VWF: variants seen among roughly 807,000 people sequenced by gnomAD.
The protein encoded by VWF is Factor VIII related antigen.
VWF carries 176 observed loss-of-function variants against 308.6 expected under a neutral mutation model. The observed-to-expected ratio is 0.57, with a 90% CI of 0.50 to 0.65. The LOEUF (loss-of-function observed/expected upper bound fraction) is 0.65, where lower values mean the gene tolerates loss of function less well. VWF is among the 30% of genes least tolerant of loss of function. VWF has a pLI of 0.00. For synonymous variants in VWF, 1,385 were observed against 1,443.4 expected (o/e 0.96, Z 0.92); for missense variants, 3,146 against 3,648.2 (o/e 0.86, Z 3.55).
chr12:6,018,952 C>T lies in VWF; in HGVS notation c.4466G>A (p.Gly1489Glu). Residue 1489 changes from glycine to glutamate, a missense_variant, in exon 28 of 52, where the codon GGG becomes GAG. Physicochemically the swap from Gly to Glu is moderately conservative, Grantham distance 98. Coordinates refer to ENST00000261405, the MANE Select transcript of VWF (RefSeq NM_000552.5). ...GPGLLGVSTL[G>E]PKRNSMVLDV... Reference sequence around the variant, plus strand: ...CAGAACCATGGAGTTCCTCTTGGGCCCCAGGGTCGAAACCCCCAAGAGCCC... The same window carrying T: ...CAGAACCATGGAGTTCCTCTTGGGCTCCAGGGTCGAAACCCCCAAGAGCCC... 1.2e-6 allele frequency: 2 copies of T among 1,613,872 alleles called. No homozygotes were observed. The highest frequency in any genetic ancestry group is 1.7e-6 in the Non-Finnish European group (2 of 1,179,840).
intron 40 of VWF, 102 bp downstream of exon 40, chr12:5,984,943 C>T: frequency 1.5e-6 from 2 of 1,290,946 alleles, no homozygotes; most frequent in South Asian, 1.2e-5. Flanking sequence ...TCCTTTCACA[C>T]ACCCTGTGCC....
At position 6,058,925 on chromosome 12, in the gene VWF, G is replaced by A. The variant is rs909531961; in HGVS notation, c.1534-881C>T. ...GAGGACCCCGATTTGAAGGTGGAGCGGGGGCTGGGACCCAGGAGTCCTGAC... is the reference window on the plus strand; with the variant it reads ...GAGGACCCCGATTTGAAGGTGGAGCAGGGGCTGGGACCCAGGAGTCCTGAC... On this transcript the variant is annotated intron_variant, in intron 13 of 51. Transcript: ENST00000261405. This position sits in a 1 kb window ranked among gnomAD's most constrained non-coding sequence, Gnocchi z 4.9. Among the ~76,000 whole-genome samples, 10 of 152,296 alleles carry A rather than the reference G, an allele frequency of 6.6e-5. 1 individual carries two copies. The highest frequency in any genetic ancestry group is 2.0e-4 in the Admixed American group (3 of 15,288).
At chr12:6,036,686 A>G (rs1304196631) in intron 18 of VWF, among the ~76,000 whole-genome samples, 195 bp from the exon 19 acceptor site, 1 of 152,252 alleles carries the variant, frequency 6.6e-6, no homozygotes, top group Non-Finnish European at 1.5e-5. Flanking sequence ...TCCTATGCCC[A>G]GGCCAGGGCT....
chr12:6,067,045 A>C (rs1944723359), intron 10 of VWF, among the ~76,000 whole-genome samples: 1 of 152,002 alleles, frequency 6.6e-6, no homozygotes, highest in Non-Finnish European at 1.5e-5. Context: ...GCCCCAGATC[A>C]CTCCCATCAG....
intron 20 of VWF, among the ~76,000 whole-genome samples, 191 bp downstream of exon 20, chr12:6,034,497 A>G (rs1944310196): frequency 6.6e-6 from 1 of 152,184 alleles, no homozygotes; most frequent in Non-Finnish European, 1.5e-5. Context: ...CAGAGGGAAA[A>G]TGGACAACCA....
intron 3 of VWF, among the ~76,000 whole-genome samples, chr12:6,119,629 T>C (rs1201503968): frequency 6.6e-6 from 1 of 152,174 alleles, no homozygotes; most frequent in Non-Finnish European, 1.5e-5. Context: ...GTGGATCACC[T>C]GAGGTCAGGA....
At position 6,058,083 on chromosome 12, in the gene VWF, G is replaced by C; in HGVS notation, c.1534-39C>G. 6.2e-7 allele frequency: 1 copy of C among 1,607,070 alleles called. No homozygotes were observed. The highest frequency in any genetic ancestry group is 8.5e-7 in the Non-Finnish European group (1 of 1,175,640). ...CAGGCCACTCTGGAGCCGCTGCCGC[G>C]AAAGCAGCGGCATAGTTGTTTAGCT... is the stretch of plus-strand genomic sequence containing the variant. On this transcript the variant is annotated intron_variant, in intron 13 of 51. Transcript: ENST00000261405. The surrounding 1 kb of genome is among the most constrained non-coding windows in gnomAD (Gnocchi z 4.9).
intron 3 of VWF, among the ~76,000 whole-genome samples, chr12:6,115,853 AG>A (rs776626753): frequency 6.6e-6 from 1 of 152,180 alleles, no homozygotes; most frequent in Non-Finnish European, 1.5e-5. Flanking sequence ...AAATGTCCTC[AG>A]GGGGAAAACC....
chr12:6,029,810 T>C (rs549663259), intron 21 of VWF, among the ~76,000 whole-genome samples: 1 of 152,216 alleles, frequency 6.6e-6, no homozygotes, highest in Non-Finnish European at 1.5e-5. Context: ...TCATTAAATA[T>C]AGTGGTCTCC....
chr12:6,104,487 A>C (rs897741169), intron 5 of VWF, among the ~76,000 whole-genome samples: 1 of 151,848 alleles, frequency 6.6e-6, no homozygotes, highest in Non-Finnish European at 1.5e-5. Flanking sequence ...GGAGTTTGAG[A>C]CCAGCCTGGC....
chr12:6,010,310 A>T (rs1943980307), intron 34 of VWF, among the ~76,000 whole-genome samples: 1 of 152,216 alleles, frequency 6.6e-6, no homozygotes, highest in South Asian at 2.1e-4. Flanking sequence ...ATTTGCAAAA[A>T]AAATAAATAA....
intron 6 of VWF, among the ~76,000 whole-genome samples, chr12:6,091,282 T>TGG (rs1366671292): frequency 3.7e-5 from 2 of 54,072 alleles, no homozygotes; most frequent in African/African-American, 1.3e-4. Context: ...GTTACCGTGA[T>TGG]GGGGGGTGGG....
chr12:5,952,343 G>C, intron 49 of VWF, 48 bp downstream of exon 49: 1 of 1,611,906 alleles, frequency 6.2e-7, no homozygotes, highest in Non-Finnish European at 8.5e-7. Context: ...GAAGAATCTT[G>C]TTCTTAGAGA....
intron 31 of VWF, among the ~76,000 whole-genome samples, chr12:6,014,582 T>A (rs941021832): frequency 3.9e-5 from 6 of 152,198 alleles, no homozygotes; most frequent in Admixed American, 3.9e-4. Context: ...TCAAGGATGC[T>A]GAGCTTTTTG....
chr12:6,093,475 C>T (rs1187194022), intron 6 of VWF, among the ~76,000 whole-genome samples: 1 of 152,226 alleles, frequency 6.6e-6, no homozygotes, highest in Admixed American at 6.5e-5. Flanking sequence ...TCTCCCACTG[C>T]CCAACTCTGC....
In VWF at chr12:6,084,407, C is replaced by T. The variant is rs545982443; in HGVS notation, c.658-8856G>A. Among the ~76,000 whole-genome samples, 11 of 152,336 alleles carry T rather than the reference C, an allele frequency of 7.2e-5. No homozygotes were observed. In the South Asian group the frequency reaches 2.3e-3, roughly 32 times the overall value. On this transcript the variant is annotated intron_variant, in intron 6 of 51. Coordinates refer to ENST00000261405, the MANE Select transcript of VWF (RefSeq NM_000552.5). ...CTGCGGGAGAGCAGCTGCCCCAGCC[C>T]ATCCAGCCATGACCTCACCATGCCT...
intron 24 of VWF, 51 bp from the exon 25 acceptor site, chr12:6,023,838 T>A (rs1944160918): frequency 6.2e-7 from 1 of 1,600,808 alleles, no homozygotes; most frequent in Admixed American, 1.7e-5. Context: ...TGTCAGGAAC[T>A]CTGGCTCTTA....
intron 6 of VWF, among the ~76,000 whole-genome samples, chr12:6,087,323 C>T (rs751919195): frequency 5.3e-5 from 8 of 150,010 alleles, no homozygotes; most frequent in African/African-American, 2.0e-4. Context: ...GGCTGGGAAG[C>T]GCCCAGCAAG....
At chr12:5,954,630 G>A (rs1429840334) in intron 47 of VWF, among the ~76,000 whole-genome samples, 1 of 152,196 alleles carries the variant, frequency 6.6e-6, no homozygotes, top group Non-Finnish European at 1.5e-5. Context: ...AAAAGAGGAA[G>A]TCAGAAACAA....
Sources: allele counts gnomAD v4.1 joint callset (sites outside exome capture counted in the v4.1 genomes callset), GRCh38; gene constraint gnomAD v4.1.1; non-coding constraint Gnocchi (gnomAD v3.1); transcripts MANE v1.5; gene names NCBI Gene and HGNC (gene_info 2026-07-23, HGNC 2026-07-21).